DLC1: variants seen among roughly 807,000 people sequenced by gnomAD.
The protein encoded by DLC1 is DLC1 Rho GTPase activating protein.
Under a neutral mutation model 140.3 loss-of-function variants are expected in DLC1, and 54 were observed. The ratio of observed to expected loss-of-function variants is 0.38; its 90% CI spans 0.31 to 0.48. DLC1 has a LOEUF of 0.48. Ranked by LOEUF, DLC1 falls within the 20% of genes least tolerant of loss-of-function variation. The probability of loss-of-function intolerance (pLI) is 0.96; values close to 1 mark genes in which losing one functional copy is unlikely to be tolerated. For synonymous variants in DLC1, 986 were observed against 728.1 expected (o/e 1.35, Z -5.70); for missense variants, 2,536 against 1,907.0 (o/e 1.33, Z -6.14).
At chr8:13,122,901 G>C (rs1821220297) in intron 5 of DLC1, among the ~76,000 whole-genome samples, 1 of 151,694 alleles carries the variant, frequency 6.6e-6, no homozygotes. Context: ...CAAATCTACT[G>C]TTAGGTATAT....
At chr8:13,486,155 G>C (rs1240217878) in intron 2 of DLC1, among the ~76,000 whole-genome samples, 1 of 152,114 alleles carries the variant, frequency 6.6e-6, no homozygotes, top group Non-Finnish European at 1.5e-5. Flanking sequence ...TGGGGAAGGA[G>C]TACAGAATAA....
At chr8:13,438,483 T>G (rs1344034029) in intron 2 of DLC1, among the ~76,000 whole-genome samples, 1 of 152,194 alleles carries the variant, frequency 6.6e-6, no homozygotes, top group East Asian at 1.9e-4. Flanking sequence ...GTTACTTCTC[T>G]CACTCAGAAT....
intron 1 of DLC1, among the ~76,000 whole-genome samples, chr8:13,513,236 C>G (rs57097928): frequency 4.5e-4 from 68 of 152,152 alleles, no homozygotes; most frequent in Middle Eastern, 6.8e-3. Flanking sequence ...AGGAGACCAT[C>G]TCTTATGTTC....
chr8:13,598,104 T>C (rs1805742469), intron 1 of DLC1, among the ~76,000 whole-genome samples: 1 of 152,144 alleles, frequency 6.6e-6, no homozygotes, highest in Admixed American at 6.6e-5. Context: ...AAGTTTATTT[T>C]CTAGAGATTT....
chr8:13,444,582 A>G (rs1354091784), intron 2 of DLC1, among the ~76,000 whole-genome samples: 1 of 152,208 alleles, frequency 6.6e-6, no homozygotes, highest in Non-Finnish European at 1.5e-5. Flanking sequence ...GTATAATTTT[A>G]AAAAATCTTT....
chr8:13,250,048 T>C (rs1400359365), intron 5 of DLC1, among the ~76,000 whole-genome samples: 1 of 152,170 alleles, frequency 6.6e-6, no homozygotes, highest in Non-Finnish European at 1.5e-5. Context: ...ATTCCAGTAC[T>C]GGACAGTGAG....
intron 2 of DLC1, among the ~76,000 whole-genome samples, chr8:13,405,907 CTTTCT>C (rs1339544319): frequency 1.2e-5 from 1 of 86,258 alleles, no homozygotes; most frequent in Non-Finnish European, 2.4e-5. Context: ...CTTTTTCTTT[CTTTCT>C]TTTCTTTTCT....
chr8:13,152,333 C>T (rs927446559), intron 5 of DLC1, among the ~76,000 whole-genome samples: 31 of 152,242 alleles, frequency 2.0e-4, no homozygotes, highest in African/African-American at 7.2e-4. Context: ...TTTGGTTCAC[C>T]TGCAAAGATT....
At chr8:13,576,395 C>T (rs566135198) in intron 1 of DLC1, among the ~76,000 whole-genome samples, 2 of 152,214 alleles carry the variant, frequency 1.3e-5, no homozygotes, top group South Asian at 2.1e-4. Context: ...TGAGAGGACA[C>T]AATTCCAGAA....
chr8:13,166,340 CATTT>C (rs1338396286), intron 5 of DLC1, among the ~76,000 whole-genome samples: 1 of 152,138 alleles, frequency 6.6e-6, no homozygotes, highest in Admixed American at 6.6e-5. Context: ...TTCTTTCTCT[CATTT>C]ATTTATTTAT....
rs546409953 is a variant in DLC1, at chr8:13,530,437, T to C, written c.-125-30241A>G. Among the ~76,000 whole-genome samples, 8 of 152,336 alleles carry C rather than the reference T, an allele frequency of 5.3e-5. No individual in the cohort carries two copies. The East Asian group carries it at 1.5e-3, about 29-fold the overall frequency. On this transcript the variant is annotated intron_variant, in intron 1 of 1. Transcript: ENST00000631382. ...GGTGGGGGAAATTTTTAGGAGAAGA[T>C]ACTCAGTTTCTGGTTTTTGCTTTCA...
chr8:13,285,254 T>C, intron 5 of DLC1, among the ~76,000 whole-genome samples: 1 of 152,172 alleles, frequency 6.6e-6, no homozygotes, highest in East Asian at 1.9e-4. Flanking sequence ...ATTTTTTTTA[T>C]AATGGTGCTA....
chr8:13,296,202 C>T (rs1244750751), intron 5 of DLC1, among the ~76,000 whole-genome samples: 1 of 151,934 alleles, frequency 6.6e-6, no homozygotes, highest in Admixed American at 6.6e-5. Flanking sequence ...GTGATTCGCT[C>T]ACCTCGGCCT....
chr8:13,500,305 T>C (rs1186663470), intron 1 of DLC1, 109 bp from the exon 2 acceptor site: 5 of 417,184 alleles, frequency 1.2e-5, no homozygotes, highest in Non-Finnish European at 1.7e-5. Context: ...AGAGATTTTA[T>C]AAAGCTTCTG....
At chr8:13,402,953 G>A (rs1013910087) in intron 2 of DLC1, among the ~76,000 whole-genome samples, 9 of 151,978 alleles carry the variant, frequency 5.9e-5, no homozygotes, top group African/African-American at 9.7e-5. Context: ...TTCACATGTC[G>A]GATAATTGGT....
chr8:13,321,249 T>C (rs1435972408), intron 4 of DLC1, among the ~76,000 whole-genome samples: 2 of 152,098 alleles, frequency 1.3e-5, no homozygotes, highest in African/African-American at 4.8e-5. Context: ...GATTCAAAAA[T>C]GAAATACTGG....
At chr8:13,185,585 G>T (rs1046860003) in intron 5 of DLC1, among the ~76,000 whole-genome samples, 4 of 152,108 alleles carry the variant, frequency 2.6e-5, no homozygotes, top group African/African-American at 9.7e-5. Context: ...GGGGTTACAG[G>T]TGTGAGCCAT....
intron 4 of DLC1, among the ~76,000 whole-genome samples, chr8:13,356,397 T>A (rs1403761688): frequency 6.6e-6 from 1 of 151,988 alleles, no homozygotes; most frequent in East Asian, 1.9e-4. Flanking sequence ...CCGTTTACAG[T>A]TTGCCTCAAT....
At chr8:13,329,718 T>A (rs551129498) in intron 4 of DLC1, among the ~76,000 whole-genome samples, 1 of 152,206 alleles carries the variant, frequency 6.6e-6, no homozygotes, top group Non-Finnish European at 1.5e-5. Context: ...CATATTCTTA[T>A]ATATACATTA....
Sources: allele counts gnomAD v4.1 joint callset (sites outside exome capture counted in the v4.1 genomes callset), GRCh38; gene constraint gnomAD v4.1.1; transcripts MANE v1.5; gene names NCBI Gene and HGNC (gene_info 2026-07-23, HGNC 2026-07-21).